Variants in SMIM24 observed in about 807,000 individuals in gnomAD.
SMIM24 encodes MAP17-related dimer.
Under a neutral mutation model 10.8 loss-of-function variants are expected in SMIM24, and 6 were observed. The ratio of observed to expected loss-of-function variants is 0.55; its 90% CI spans 0.30 to 1.09. SMIM24 has a LOEUF of 1.09. Among genes scored for constraint, SMIM24 ranks in the 50% least tolerant of loss-of-function variants. The pLI, the probability that SMIM24 is intolerant of heterozygous loss-of-function variation, is 0.06. For missense variants in SMIM24, 151 were observed against 153.4 expected, an observed-to-expected ratio of 0.98 and a Z score of 0.08; for synonymous variants, 71 against 62.4, an observed-to-expected ratio of 1.14 and a Z score of -0.65.
chr19:3,480,142 G>A (rs1413769717), intron 1 of SMIM24, among the ~76,000 whole-genome samples: 2 of 147,306 alleles, frequency 1.4e-5, no homozygotes, highest in Non-Finnish European at 3.0e-5. Flanking sequence ...AAGGCGGGGG[G>A]TTCAGCCAGG....
chr19:3,478,805 G>C lies in SMIM24; in HGVS notation c.179+13C>G, dbSNP rs1463526272. 21 of 1,533,074 alleles carry C rather than the reference G, an allele frequency of 1.4e-5. No individual in the cohort carries two copies. Among genetic ancestry groups the C allele is most frequent in the Non-Finnish European group, 1.8e-5 (20 of 1,133,646 alleles). 95.0% of individuals were successfully genotyped at this position (1,533,074 alleles called of 1,614,324 possible). On this transcript the variant is annotated intron_variant, in intron 2 of 3. Coordinates refer to ENST00000215531, the MANE Select transcript of SMIM24 (RefSeq NM_001136503.2). ...AGGGCTGTGGGGGCAGCGGGGTGGGGGCGGGCACCCACCTGGCCTTGGAAC... is the reference window on the plus strand; with the variant it reads ...AGGGCTGTGGGGGCAGCGGGGTGGGCGCGGGCACCCACCTGGCCTTGGAAC...
At position 3,478,412 on chromosome 19, in the gene SMIM24, A is replaced by G. The variant is rs989525465; in HGVS notation, c.239+7T>C. On this transcript the variant is annotated splice_region_variant and intron_variant, in intron 3 of 3. Transcript: ENST00000215531. The stretch of plus-strand genomic sequence containing the variant: ...ACACAGACCCCCAGCATCCGCACGC[A>G]TAGTACCTCTGGTCCTGGTATAGGT... The G allele has an allele frequency of 7.1e-6, 11 of 1,548,252 alleles. No individual in the cohort carries two copies. In the Middle Eastern group the frequency reaches 5.0e-4, roughly 71 times the overall value.
chr19:3,480,288 T>C, intron 1 of SMIM24, 109 bp downstream of exon 1: 1 of 1,170,354 alleles, frequency 8.5e-7, no homozygotes, highest in Non-Finnish European at 1.2e-6. Context: ...CCACTCTTCC[T>C]TTTCTTCCTG....
Position 3,474,814 on chromosome 19 carries a change from G to T in SMIM24, c.*29C>A. The T allele has an allele frequency of 6.5e-7, 1 of 1,547,426 alleles. No individual in the cohort carries two copies. The highest frequency in any genetic ancestry group is 8.7e-7 in the Non-Finnish European group (1 of 1,145,614). On this transcript the variant is annotated 3_prime_UTR_variant, in exon 4 of 4. Coordinates refer to ENST00000215531, the MANE Select transcript of SMIM24 (RefSeq NM_001136503.2). ...GGGGGCAGAAGAGGCATCTCTGGGG[G>T]ACTGCCTGGAAGAGGCAGCCAGGAA...
At chr19:3,480,001 C>G (rs2082811229) in intron 1 of SMIM24, among the ~76,000 whole-genome samples, 1 of 139,082 alleles carries the variant, frequency 7.2e-6, no homozygotes, top group Non-Finnish European at 1.5e-5. Flanking sequence ...GAGGGGCTTA[C>G]AGAGGAGGAG....
chr19:3,479,563 G>A (rs1182295215), intron 1 of SMIM24, among the ~76,000 whole-genome samples: 3 of 150,070 alleles, frequency 2.0e-5, no homozygotes, highest in Non-Finnish European at 4.4e-5. Context: ...AGGCGGCAGA[G>A]GCTCAGGAGG....
At chr19:3,480,314 C>G in intron 1 of SMIM24, 83 bp downstream of exon 1, 1 of 1,307,838 alleles carries the variant, frequency 7.6e-7, no homozygotes, top group Non-Finnish European at 1.0e-6. Flanking sequence ...TCTCCTTTTT[C>G]TCGCCATGGA....
intron 1 of SMIM24, 124 bp downstream of exon 1, chr19:3,480,273 C>T (rs1225613441): frequency 9.5e-7 from 1 of 1,051,536 alleles, no homozygotes; most frequent in Non-Finnish European, 1.4e-6. Context: ...AGAAGGGCCT[C>T]CAAGCCACTC....
At chr19:3,477,299 GAT>G (rs2082797147) in intron 3 of SMIM24, among the ~76,000 whole-genome samples, 1 of 140,700 alleles carries the variant, frequency 7.1e-6, no homozygotes, top group Non-Finnish European at 1.5e-5. Flanking sequence ...TGGATGGATG[GAT>G]GGATGATAGA....
chr19:3,480,018 G>T (rs1232119373), intron 1 of SMIM24, among the ~76,000 whole-genome samples: 1 of 150,846 alleles, frequency 6.6e-6, no homozygotes, highest in Non-Finnish European at 1.5e-5. Flanking sequence ...GGAGGGGCTC[G>T]GGGAGGGGTT....
At chr19:3,476,455 T>TAC (rs1204707089) in intron 3 of SMIM24, among the ~76,000 whole-genome samples, 2 of 151,256 alleles carry the variant, frequency 1.3e-5, no homozygotes, top group Non-Finnish European at 3.0e-5. Flanking sequence ...TAGATGGATG[T>TAC]ACAAGTGGAT....
At chr19:3,477,519 A>AG (rs2082798397) in intron 3 of SMIM24, among the ~76,000 whole-genome samples, 2 of 133,338 alleles carry the variant, frequency 1.5e-5, no homozygotes, top group Admixed American at 7.4e-5. Context: ...ATGGTGGGTG[A>AG]TGGATGGATG....
chr19:3,480,256 G>C (rs2082813232), intron 1 of SMIM24, 141 bp downstream of exon 1: 1 of 881,688 alleles, frequency 1.1e-6, no homozygotes, highest in Non-Finnish European at 1.7e-6. Flanking sequence ...CGGTACTGCG[G>C]GGGTTGAGAA....
intron 2 of SMIM24, 70 bp from the exon 3 acceptor site, chr19:3,478,548 G>T (rs2082802998): frequency 7.2e-7 from 1 of 1,385,262 alleles, no homozygotes; most frequent in Non-Finnish European, 9.9e-7. Context: ...GAAGGAAGCG[G>T]TGTGACAGCC....
chr19:3,477,541 AGATGGGTGAGTGGGTG>A (rs1328432674), intron 3 of SMIM24, among the ~76,000 whole-genome samples: 16 of 106,144 alleles, frequency 1.5e-4, no homozygotes, highest in Admixed American at 6.4e-4. Context: ...GTGAGTGGGT[AGATGGGTGAGTGGGTG>A]GATGGGTGAG....
intron 3 of SMIM24, among the ~76,000 whole-genome samples, chr19:3,477,249 TG>T (rs2082796538): frequency 9.5e-6 from 1 of 105,790 alleles, no homozygotes; most frequent in Non-Finnish European, 1.9e-5. Context: ...GGTGAATGGA[TG>T]GGTTGGGGGA....
intron 3 of SMIM24, 135 bp downstream of exon 3, chr19:3,478,284 A>AG (rs1218587750): frequency 2.8e-5 from 23 of 812,048 alleles, no homozygotes; most frequent in Non-Finnish European, 3.9e-5. Context: ...AGCTGCCAGA[A>AG]GATACAGGAA....
Position 3,478,701 on chromosome 19 carries a change from G to T in SMIM24, c.179+117C>A. On this transcript the variant is annotated intron_variant, in intron 2 of 3. Coordinates refer to ENST00000215531, the MANE Select transcript of SMIM24 (RefSeq NM_001136503.2). ...TCTGAGAGTAGAGGTTGGAGGAGCA[G>T]CAGGGAAATGGGAGACCTTCGGACT... is the stretch of plus-strand genomic sequence containing the variant. 3.3e-6 allele frequency: 3 copies of T among 902,832 alleles called. No individual in the cohort carries two copies. In the South Asian group the frequency reaches 5.1e-5, roughly 15 times the overall value. 55.9% of individuals were successfully genotyped at this position (902,832 alleles called of 1,614,324 possible).
chr19:3,479,008 A>C (rs1382915946), intron 1 of SMIM24, 79 bp from the exon 2 acceptor site: 5 of 1,165,576 alleles, frequency 4.3e-6, no homozygotes, highest in Middle Eastern at 2.0e-4. Flanking sequence ...TAGCAAGGAG[A>C]GAGAGAAGGT....
Sources: gnomAD v4.1 joint callset for allele counts (sites outside exome capture counted in the v4.1 genomes callset) on GRCh38, gnomAD v4.1.1 for gene constraint, MANE v1.5 for transcripts, NCBI Gene and HGNC (gene_info 2026-07-23, HGNC 2026-07-21) for gene names.